The following KDM4C variants were observed in gnomAD, a reference collection of about 807,000 sequenced individuals.
KDM4C encodes the protein lysine demethylase 4C.
KDM4C carries 81 observed loss-of-function variants against 129.3 expected under a neutral mutation model. The observed-to-expected ratio is 0.63, with a 90% confidence interval of 0.52 to 0.75. KDM4C has a LOEUF of 0.75. Among genes scored for constraint, KDM4C ranks in the 30% least tolerant of loss-of-function variants. KDM4C has a pLI of 0.00. For synonymous variants in KDM4C, 573 were observed against 456.1 expected (o/e 1.26, Z -3.26); for missense variants, 1,457 against 1,304.0 (o/e 1.12, Z -1.81).
chr9:6,738,057 C>T (rs903238980), intron 1 of KDM4C, among the ~76,000 whole-genome samples: 10 of 151,876 alleles, frequency 6.6e-5, no homozygotes, highest in Admixed American at 6.6e-4. Flanking sequence ...TCACTTGAAC[C>T]CGGGAGGCAG....
intron 18 of KDM4C, among the ~76,000 whole-genome samples, chr9:7,114,404 T>G (rs567822093): frequency 6.6e-6 from 1 of 152,296 alleles, no homozygotes; most frequent in African/African-American, 2.4e-5. Flanking sequence ...TGATAACATT[T>G]TAAACTTAAT....
chr9:7,030,064 A>C (rs972740158), intron 15 of KDM4C, among the ~76,000 whole-genome samples: 1 of 152,212 alleles, frequency 6.6e-6, no homozygotes, highest in African/African-American at 2.4e-5. Context: ...GGAAGATGTA[A>C]AAGTAATATA....
intron 4 of KDM4C, among the ~76,000 whole-genome samples, chr9:6,820,059 A>G (rs1832760676): frequency 6.6e-6 from 1 of 152,116 alleles, no homozygotes; most frequent in African/African-American, 2.4e-5. Flanking sequence ...GTATGGGGAG[A>G]TAAGAGAAGT....
intron 3 of KDM4C, among the ~76,000 whole-genome samples, chr9:6,809,522 G>C (rs1324439037): frequency 2.0e-5 from 3 of 152,100 alleles, no homozygotes; most frequent in African/African-American, 7.2e-5. Context: ...TAATACTCTT[G>C]ATAATTGTCA....
In KDM4C at chr9:6,835,349, C is replaced by T. The variant is rs553074085; in HGVS notation, c.436-14158C>T. 1.1e-4 allele frequency: 117 copies of T among 1,026,990 alleles called. No homozygotes were observed. The African/African-American group carries it at 1.6e-3, about 14-fold the overall frequency. 63.6% of individuals were successfully genotyped at this position (1,026,990 alleles called of 1,614,324 possible). A position where few individuals can be genotyped will look rare whatever the true frequency, so the allele number is the denominator to read the frequency against. ...GACCTTTACGCCAACACATTGCTGT[C>T]TGGCGGCACCACCATGTACCCTAGC... On this transcript the variant is annotated intron_variant, in intron 4 of 21. Coordinates refer to ENST00000381309, the MANE Select transcript of KDM4C (RefSeq NM_015061.6).
chr9:6,970,153 A>G lies in KDM4C; in HGVS notation c.922-10772A>G, dbSNP rs145146256. Among the ~76,000 whole-genome samples, 525 of 152,360 alleles carry G rather than the reference A, an allele frequency of 3.4e-3. 2 individuals are homozygous for G. The highest frequency in any genetic ancestry group is 0.011 in the African/African-American group (472 of 41,582). On this transcript the variant is annotated intron_variant, in intron 8 of 21. Coordinates refer to ENST00000381309, the MANE Select transcript of KDM4C (RefSeq NM_015061.6). ...ATCCTAACGAAGAGAAATCTTAGGA[A>G]CAAATCATGCGGTGCAATTTTGTCA... is the stretch of plus-strand genomic sequence containing the variant.
At chr9:6,984,069 CCTT>C (rs1817246367) in intron 9 of KDM4C, 94 bp from the exon 10 acceptor site, 1 of 734,494 alleles carries the variant, frequency 1.4e-6, no homozygotes, top group Admixed American at 2.4e-5. Context: ...TCAGTTGTTT[CCTT>C]CTTTAAGCAA....
chr9:6,877,869 C>CT (rs1843804851), intron 5 of KDM4C, among the ~76,000 whole-genome samples: 1 of 152,174 alleles, frequency 6.6e-6, no homozygotes, highest in South Asian at 2.1e-4. Flanking sequence ...TCAGACTGTC[C>CT]TTTGTCAGAC....
In KDM4C at chr9:6,921,615, A is replaced by G. The variant is rs186182484; in HGVS notation, c.921+28383A>G. The stretch of plus-strand genomic sequence containing the variant: ...TGCCAGTGGGTTTCACAGTCTTACT[A>G]TTTCTCTCTATTCTTTATTCGGCAG... On this transcript the variant is annotated intron_variant, in intron 8 of 21. Transcript: ENST00000381309. Among the ~76,000 whole-genome samples, 1,062 of 152,122 alleles carry G rather than the reference A, an allele frequency of 7.0e-3. 11 individuals are homozygous for G. The highest frequency in any genetic ancestry group is 0.011 in the Non-Finnish European group (728 of 68,000).
chr9:7,153,906 G>C (rs1587898701), intron 19 of KDM4C, among the ~76,000 whole-genome samples: 1 of 152,218 alleles, frequency 6.6e-6, no homozygotes, highest in African/African-American at 2.4e-5. Context: ...CCCTTATGTG[G>C]TGAGACTGGA....
chr9:6,983,216 G>A (rs1024204321), intron 9 of KDM4C, among the ~76,000 whole-genome samples: 4 of 152,140 alleles, frequency 2.6e-5, no homozygotes, highest in East Asian at 1.9e-4. Context: ...ACTTCCTACA[G>A]TGCTTAGTCC....
At chr9:6,740,183 C>G (rs960860380) in intron 1 of KDM4C, among the ~76,000 whole-genome samples, 10 of 151,654 alleles carry the variant, frequency 6.6e-5, no homozygotes, top group Non-Finnish European at 1.2e-4. Flanking sequence ...CGACACCACA[C>G]CCAGCCTAAT....
chr9:6,737,662 C>T (rs866446761), intron 1 of KDM4C, among the ~76,000 whole-genome samples: 3 of 59,260 alleles, frequency 5.1e-5, no homozygotes, highest in Non-Finnish European at 9.1e-5. Context: ...GAGACTTCAT[C>T]TCAAAAAAAA....
At chr9:6,974,717 TA>T (rs1832649383) in intron 8 of KDM4C, 1 of 152,216 alleles carries the variant, frequency 6.6e-6, no homozygotes. Flanking sequence ...ACAAGGAATT[TA>T]GATCTCTAAG....
chr9:7,087,124 A>T (rs1835218096), intron 17 of KDM4C, among the ~76,000 whole-genome samples: 1 of 149,952 alleles, frequency 6.7e-6, no homozygotes, highest in African/African-American at 2.5e-5. Context: ...GAATTAAAGG[A>T]GTACCCAAAT....
At chr9:6,721,034 T>C in intron 1 of KDM4C, 1 of 1,527,532 alleles carries the variant, frequency 6.5e-7, no homozygotes, top group Non-Finnish European at 8.9e-7. Flanking sequence ...GGACACTTTG[T>C]ACATAGTTGG....
intron 1 of KDM4C, among the ~76,000 whole-genome samples, chr9:6,792,356 ATTTAT>A (rs1826831777): frequency 4.9e-5 from 5 of 101,948 alleles, no homozygotes; most frequent in East Asian, 3.0e-4. Context: ...AAAAATTTTT[ATTTAT>A]TTTTTATTTA....
intron 15 of KDM4C, among the ~76,000 whole-genome samples, chr9:7,020,838 C>T (rs1824681099): frequency 6.6e-6 from 1 of 151,704 alleles, no homozygotes; most frequent in Admixed American, 6.6e-5. Flanking sequence ...CATTGCGTTA[C>T]TTTAAAATGT....
intron 15 of KDM4C, among the ~76,000 whole-genome samples, chr9:7,029,589 T>C (rs1461939529): frequency 1.1e-4 from 16 of 151,870 alleles, no homozygotes; most frequent in Admixed American, 9.8e-4. Flanking sequence ...AAAAATAAAA[T>C]TAATATAAGA....
Sources: gnomAD v4.1 joint callset for allele counts (sites outside exome capture counted in the v4.1 genomes callset) on GRCh38, gnomAD v4.1.1 for gene constraint, MANE v1.5 for transcripts, NCBI Gene and HGNC (gene_info 2026-07-23, HGNC 2026-07-21) for gene names.